The following ADGRB3 variants were observed in gnomAD, a reference collection of about 807,000 sequenced individuals.
ADGRB3 encodes adhesion G protein-coupled receptor B3.
A neutral mutation model predicts 193.4 loss-of-function variants in ADGRB3; 37 were observed. The ratio of observed to expected loss-of-function variants is 0.19; its 90% CI spans 0.15 to 0.25. ADGRB3 has a LOEUF of 0.25. Ranked by LOEUF, ADGRB3 falls within the 10% of genes least tolerant of loss-of-function variation. The probability of loss-of-function intolerance (pLI) is 1.00; values close to 1 mark genes in which losing one functional copy is unlikely to be tolerated. For missense variants in ADGRB3, 1,637 were observed against 1,852.9 expected, an observed-to-expected ratio of 0.88 and a Z score of 2.14; for synonymous variants, 690 against 644.2, an observed-to-expected ratio of 1.07 and a Z score of -1.08.
intron 3 of ADGRB3, among the ~76,000 whole-genome samples, chr6:68,733,078 C>T (rs915300618): frequency 1.3e-5 from 2 of 151,592 alleles, no homozygotes; most frequent in Non-Finnish European, 2.9e-5. Flanking sequence ...TCTCAGAGAA[C>T]TAAAAATAGA....
intron 3 of ADGRB3, among the ~76,000 whole-genome samples, chr6:68,686,201 G>A (rs1264903901): frequency 2.0e-5 from 3 of 151,666 alleles, no homozygotes; most frequent in Admixed American, 2.0e-4. Flanking sequence ...TTGTTGTGTG[G>A]AGAAGGAGTC....
At chr6:68,814,902 T>C (rs1767598629) in intron 3 of ADGRB3, among the ~76,000 whole-genome samples, 2 of 152,086 alleles carry the variant, frequency 1.3e-5, no homozygotes, top group African/African-American at 2.4e-5. Context: ...ATTATCTCAA[T>C]AGATGCAGAA....
At chr6:69,103,896 A>G (rs973740952) in intron 17 of ADGRB3, among the ~76,000 whole-genome samples, 4 of 151,986 alleles carry the variant, frequency 2.6e-5, no homozygotes, top group African/African-American at 7.2e-5. Flanking sequence ...TAACAACTAG[A>G]TCCTTCCTAT....
In ADGRB3 at chr6:69,048,227, A is replaced by G; in HGVS notation, c.2150A>G (p.Asp717Gly). 1 of 1,613,706 alleles carries G rather than the reference A, an allele frequency of 6.2e-7. No homozygotes were observed. The highest frequency in any genetic ancestry group is 2.2e-5 in the East Asian group (1 of 44,786). ...QKLPAASVLT[D>G]INFPMKGRKG... ...CTTCCTGCAGCCTCTGTTCTAACAG[A>G]CATCAACTTTCCAATGAAAGGACGG... is the stretch of plus-strand genomic sequence containing the variant. Residue 717 changes from aspartate to glycine, a missense_variant, in exon 14 of 32, where the codon GAC becomes GGC. This residue lies in a region of ADGRB3 where 641 missense variants were observed against 673.9 expected (regional missense o/e 0.95). Transcript: ENST00000370598.
At chr6:69,350,037 A>G (rs1352698882) in intron 26 of ADGRB3, among the ~76,000 whole-genome samples, 1 of 152,196 alleles carries the variant, frequency 6.6e-6, no homozygotes, top group East Asian at 1.9e-4. Context: ...AGAAGCTCTC[A>G]GCCTGCTGCT....
At chr6:69,349,168 G>T (rs1032824827) in intron 26 of ADGRB3, among the ~76,000 whole-genome samples, 2 of 152,168 alleles carry the variant, frequency 1.3e-5, no homozygotes. Flanking sequence ...AGAAGGCATG[G>T]GATCCTGGTG....
intron 3 of ADGRB3, among the ~76,000 whole-genome samples, chr6:68,653,465 G>C (rs1365101616): frequency 6.6e-6 from 1 of 151,958 alleles, no homozygotes; most frequent in Non-Finnish European, 1.5e-5. Flanking sequence ...ATGATATTTT[G>C]GGGGAAGAAT....
chr6:68,862,622 G>A (rs1765189514), intron 3 of ADGRB3, among the ~76,000 whole-genome samples: 1 of 152,150 alleles, frequency 6.6e-6, no homozygotes, highest in South Asian at 2.1e-4. Flanking sequence ...CCTTAGCTAA[G>A]TTTACTTAGT....
chr6:68,759,511 T>A (rs1268933591), intron 3 of ADGRB3, among the ~76,000 whole-genome samples: 2 of 152,140 alleles, frequency 1.3e-5, no homozygotes, highest in African/African-American at 4.8e-5. Context: ...TTGGTCTCTT[T>A]ATTTTTAATA....
intron 3 of ADGRB3, among the ~76,000 whole-genome samples, chr6:68,924,793 A>G (rs951997459): frequency 6.6e-6 from 1 of 151,990 alleles, no homozygotes; most frequent in African/African-American, 2.4e-5. Flanking sequence ...AGCTTTGGGA[A>G]TGGAACCAAG....
At chr6:68,762,025 T>C (rs1310959177) in intron 3 of ADGRB3, among the ~76,000 whole-genome samples, 3 of 152,160 alleles carry the variant, frequency 2.0e-5, no homozygotes, top group African/African-American at 7.2e-5. Context: ...AAGTTTCGTG[T>C]AGTGAATATA....
At chr6:69,024,769 T>C (rs1770375649) in intron 13 of ADGRB3, among the ~76,000 whole-genome samples, 2 of 152,188 alleles carry the variant, frequency 1.3e-5, no homozygotes, top group Admixed American at 1.3e-4. Flanking sequence ...AAGGTAAATA[T>C]TACTGTGTCT....
intron 3 of ADGRB3, among the ~76,000 whole-genome samples, chr6:68,902,739 A>G (rs1766433138): frequency 6.6e-6 from 1 of 152,100 alleles, no homozygotes. Flanking sequence ...TTTGTATGAT[A>G]AACTGAAAAA....
At chr6:68,748,589 C>G (rs533540304) in intron 3 of ADGRB3, among the ~76,000 whole-genome samples, 13 of 152,290 alleles carry the variant, frequency 8.5e-5, no homozygotes, top group African/African-American at 2.6e-4. Flanking sequence ...TTGCGTGGTA[C>G]AGCCTCCCTC....
intron 26 of ADGRB3, 24 bp downstream of exon 26, chr6:69,339,528 G>A (rs1486829925): frequency 2.5e-6 from 4 of 1,601,606 alleles, no homozygotes; most frequent in African/African-American, 1.3e-5. Context: ...TTGTGATAGA[G>A]AACAGTGATG....
intron 3 of ADGRB3, among the ~76,000 whole-genome samples, chr6:68,876,849 A>G (rs1364117948): frequency 2.6e-5 from 4 of 151,890 alleles, no homozygotes; most frequent in African/African-American, 9.7e-5. Flanking sequence ...TTTTCTTTTT[A>G]TTGATGGTTT....
intron 3 of ADGRB3, among the ~76,000 whole-genome samples, chr6:68,661,528 TATGTGTATAC>T (rs1487822663): frequency 2.1e-5 from 2 of 93,544 alleles, no homozygotes; most frequent in Non-Finnish European, 4.1e-5. Context: ...TACATATATA[TATGTGTATAC>T]ATATATATAT....
At chr6:69,341,013 C>T (rs1242204023) in intron 26 of ADGRB3, among the ~76,000 whole-genome samples, 1 of 152,162 alleles carries the variant, frequency 6.6e-6, no homozygotes, top group Non-Finnish European at 1.5e-5. Flanking sequence ...TCCAGTCTAT[C>T]ACTGATGGGC....
At chr6:69,007,591 C>T (rs1032664702) in intron 11 of ADGRB3, among the ~76,000 whole-genome samples, 45 of 151,910 alleles carry the variant, frequency 3.0e-4, no homozygotes, top group African/African-American at 1.1e-3. Flanking sequence ...GTGGCTGTCT[C>T]TTTATTATTC....
Sources: allele counts gnomAD v4.1 joint callset (sites outside exome capture counted in the v4.1 genomes callset), GRCh38; gene constraint gnomAD v4.1.1; regional missense constraint gnomAD v4.1.1; transcripts MANE v1.5; gene names NCBI Gene and HGNC (gene_info 2026-07-23, HGNC 2026-07-21).